Variants in USH2A observed in about 807,000 individuals in gnomAD.
USH2A encodes Usher syndrome 2A (autosomal recessive, mild).
Under a neutral mutation model 538.9 loss-of-function variants are expected in USH2A, and 443 were observed. That is an observed-to-expected ratio of 0.82 (90% CI 0.76 to 0.89). USH2A has a LOEUF of 0.89. USH2A is among the 40% of genes least tolerant of loss of function. USH2A has a pLI of 0.00. For synonymous variants in USH2A, 2,413 were observed against 2,273.5 expected, an observed-to-expected ratio of 1.06 and a Z score of -1.75; for missense variants, 6,633 against 6,324.8, an observed-to-expected ratio of 1.05 and a Z score of -1.65.
intron 42 of USH2A, among the ~76,000 whole-genome samples, chr1:215,878,220 C>A (rs2102451128): frequency 6.6e-6 from 1 of 152,216 alleles, no homozygotes; most frequent in South Asian, 2.1e-4. Flanking sequence ...TTAATGGTTT[C>A]CTATGACTAT....
chr1:215,980,127 A>G (rs1312236197), intron 35 of USH2A, among the ~76,000 whole-genome samples: 1 of 152,234 alleles, frequency 6.6e-6, no homozygotes, highest in Non-Finnish European at 1.5e-5. Context: ...GGAGCATGCC[A>G]GGTAAGAAGA....
chr1:215,805,555 G>C (rs1662476487), intron 49 of USH2A, among the ~76,000 whole-genome samples: 1 of 152,016 alleles, frequency 6.6e-6, no homozygotes, highest in South Asian at 2.1e-4. Context: ...CCACTGAATT[G>C]TGTGCTTAAA....
Position 215,623,262 on chromosome 1 carries a change from GATTTAA to G in USH2A, c.*2513_*2518del, listed in dbSNP as rs1030440751. The stretch of plus-strand genomic sequence containing the variant: ...ACAATTGGTAAAATGTGAGTCAGGA[GATTTAA>G]ATTTAAAGAGGTTCATCAAGAACTG... On this transcript the variant is annotated 3_prime_UTR_variant, in exon 72 of 72. Transcript: ENST00000307340. 1 of 152,240 alleles carries G rather than the reference GATTTAA, an allele frequency of 6.6e-6. No homozygotes were observed. The highest frequency in any genetic ancestry group is 1.5e-5 in the Non-Finnish European group (1 of 67,992). The allele number at this position is 152,240 out of a possible 1,614,324, so 9.4% of individuals were successfully genotyped here.
chr1:216,382,157 T>C (rs909961892), intron 3 of USH2A, among the ~76,000 whole-genome samples: 3 of 152,094 alleles, frequency 2.0e-5, no homozygotes, highest in Non-Finnish European at 4.4e-5. Context: ...CTAAATAAGG[T>C]AAAATTCTTG....
chr1:215,983,390 A>T (rs2813730), intron 35 of USH2A, among the ~76,000 whole-genome samples: 23,806 of 152,236 alleles, frequency 0.16, 2,154 homozygotes, highest in Non-Finnish European at 0.21. Context: ...TTTCAAAGAT[A>T]TATCAATAAG....
intron 21 of USH2A, among the ~76,000 whole-genome samples, chr1:216,135,160 T>TCACACACA (rs1457349170): frequency 2.6e-4 from 28 of 108,390 alleles, no homozygotes; most frequent in African/African-American, 1.2e-3. Context: ...TCTCTCTCTC[T>TCACACACA]CTCTCTCACA....
intron 58 of USH2A, among the ~76,000 whole-genome samples, chr1:215,747,514 T>C (rs893835148): frequency 4.6e-5 from 7 of 152,154 alleles, no homozygotes; most frequent in African/African-American, 1.7e-4. Context: ...GAATTGATTA[T>C]AGAGACCATT....
At chr1:216,360,892 T>A (rs1421520582) in intron 4 of USH2A, among the ~76,000 whole-genome samples, 1 of 152,062 alleles carries the variant, frequency 6.6e-6, no homozygotes, top group East Asian at 1.9e-4. Flanking sequence ...GTAATTTAAA[T>A]CTCAACAGAA....
Position 215,961,403 on chromosome 1 carries a change from A to G in USH2A, c.7120+3914T>C, listed in dbSNP as rs1183181376. On this transcript the variant is annotated intron_variant, in intron 37 of 71. Coordinates refer to ENST00000307340, the MANE Select transcript of USH2A (RefSeq NM_206933.4). ...GAGACACAAAAGACACAAAATAGAA[A>G]GTATAATGATATCATTGATCAGAAA... 4.6e-5 allele frequency among the ~76,000 whole-genome samples: 7 copies of G among 151,916 alleles called. No homozygotes were observed. In the East Asian group the frequency reaches 1.4e-3, roughly 29 times the overall value.
chr1:215,892,390 A>G (rs1665232656), intron 40 of USH2A, among the ~76,000 whole-genome samples: 1 of 152,178 alleles, frequency 6.6e-6, no homozygotes, highest in Non-Finnish European at 1.5e-5. Context: ...AACTCCATAA[A>G]TGAGTATCCC....
rs555324401 is a variant in USH2A, at chr1:216,051,388, C to T, written c.6050-2741G>A. Among the ~76,000 whole-genome samples the T allele has an allele frequency of 3.3e-4, 51 of 152,310 alleles. No individual in the cohort carries two copies. In the Middle Eastern group the frequency reaches 0.017, roughly 51 times the overall value. ...CACCACGATACCCAAATTCCAGGCTCAAAACTAAAGTTATCATCATAAAAT... is the reference window on the plus strand; with the variant it reads ...CACCACGATACCCAAATTCCAGGCTTAAAACTAAAGTTATCATCATAAAAT... On this transcript the variant is annotated intron_variant, in intron 30 of 71. Coordinates refer to ENST00000307340, the MANE Select transcript of USH2A (RefSeq NM_206933.4).
rs2038567883 is a variant in USH2A, at chr1:216,365,030, G to A, written c.707C>T (p.Pro236Leu). The A allele has an allele frequency of 6.2e-7, 1 of 1,613,652 alleles. No homozygotes were observed. The highest frequency in any genetic ancestry group is 2.2e-5 in the East Asian group (1 of 44,800). ...ACCACTTAGAGTTCTTGCATTGAAAGGTGTATGATCCTTCTCCACGCCATT... is the reference window on the plus strand; with the variant it reads ...ACCACTTAGAGTTCTTGCATTGAAAAGTGTATGATCCTTCTCCACGCCATT... ...FINGVEKDHT[P>L]FNARTLSGSI... The change falls in exon 4 of 72, where the codon CCT becomes CTT. Residue 236 changes from proline to leucine, a missense_variant. By Grantham distance (98) the Pro-to-Leu change is moderately conservative. Coordinates refer to ENST00000307340, the MANE Select transcript of USH2A (RefSeq NM_206933.4).
chr1:215,798,528 A>T (rs1294162277), intron 50 of USH2A, among the ~76,000 whole-genome samples: 1 of 152,196 alleles, frequency 6.6e-6, no homozygotes, highest in East Asian at 1.9e-4. Flanking sequence ...ATTGTTATTT[A>T]TATTAGTGTT....
At chr1:215,814,001 A>G (rs1662781030) in intron 48 of USH2A, 97 bp from the exon 49 acceptor site, 1 of 1,311,764 alleles carries the variant, frequency 7.6e-7, no homozygotes, top group Non-Finnish European at 1.1e-6. Flanking sequence ...TGTAAGGCAT[A>G]GAAGATCTGA....
chr1:216,070,365 T>C, intron 29 of USH2A, 73 bp from the exon 30 acceptor site: 1 of 1,386,832 alleles, frequency 7.2e-7, no homozygotes, highest in Non-Finnish European at 1.0e-6. Flanking sequence ...TCTTCACTTT[T>C]AATGGCCGCA....
rs769198746 is a variant in USH2A at position 216,175,303 on chromosome 1, C to T, written c.4576G>A (p.Gly1526Arg). ...MMKGIRFIGN[G>R]YCKFPSSTHP... ...GTGGAGCTGGGAAATTTACAATACCCATTTCCTATGAAACGGATTCCTTTC... is the reference window on the plus strand; with the variant it reads ...GTGGAGCTGGGAAATTTACAATACCTATTTCCTATGAAACGGATTCCTTTC... Residue 1526 changes from glycine (G) to arginine (R), a missense_variant, in exon 21 of 72, where the codon GGG (glycine) becomes AGG (arginine). Gly to Arg is a moderately radical substitution (Grantham distance 125, BLOSUM62 -2). Transcript: ENST00000307340. 3.7e-6 allele frequency: 6 copies of T among 1,613,586 alleles called. No homozygotes were observed. In the East Asian group the frequency reaches 1.1e-4, roughly 30 times the overall value.
chr1:215,679,551 A>G (rs779054053), intron 62 of USH2A, among the ~76,000 whole-genome samples: 2 of 152,224 alleles, frequency 1.3e-5, no homozygotes, highest in Admixed American at 1.3e-4. Context: ...GGTTCAAAAC[A>G]TCAAAATGCA....
At position 215,877,824 on chromosome 1, in the gene USH2A, T is replaced by A. The variant is rs1162041452; in HGVS notation, c.8615A>T (p.Asp2872Val). Reference sequence around the variant, plus strand: ...ATAAATATTGTGCCACCGATTTAAATCTTCTGGGGGATTTGATGCAAGTGG... The same window carrying A: ...ATAAATATTGTGCCACCGATTTAAAACTTCTGGGGGATTTGATGCAAGTGG... ...QQPLASNPPE[D>V]LNRWHNIYSG... The change falls in exon 43 of 72, where the codon GAT becomes GTT. Residue 2872 changes from aspartate to valine, a missense_variant. Coordinates refer to ENST00000307340, the MANE Select transcript of USH2A (RefSeq NM_206933.4). 2 of 1,613,820 alleles carry A rather than the reference T, an allele frequency of 1.2e-6. No homozygotes were observed. Among genetic ancestry groups the A allele is most frequent in the South Asian group, 2.2e-5 (2 of 91,082 alleles).
chr1:216,288,472 T>C (rs1429668981), intron 11 of USH2A, among the ~76,000 whole-genome samples: 1 of 152,152 alleles, frequency 6.6e-6, no homozygotes, highest in African/African-American at 2.4e-5. Context: ...GAGAAAGATA[T>C]TTTGTCTTGT....
Sources: allele counts gnomAD v4.1 joint callset (sites outside exome capture counted in the v4.1 genomes callset), GRCh38; gene constraint gnomAD v4.1.1; transcripts MANE v1.5; gene names NCBI Gene and HGNC (gene_info 2026-07-23, HGNC 2026-07-21).